ALG9: variants seen among roughly 807,000 people sequenced by gnomAD.
ALG9 encodes ALG9 alpha-1,2-mannosyltransferase, also known as alpha-1,2-mannosyltransferase ALG9.
ALG9 carries 55 observed loss-of-function variants against 81.8 expected under a neutral mutation model. The ratio of observed to expected loss-of-function variants is 0.67; its 90% confidence interval spans 0.54 to 0.84. The LOEUF is 0.84. Ranked by LOEUF, ALG9 falls within the 40% of genes least tolerant of loss-of-function variation. The pLI, the probability that ALG9 is intolerant of heterozygous loss-of-function variation, is 0.00. For missense variants in ALG9, 629 were observed against 745.0 expected (o/e 0.84, Z 1.81); for synonymous variants, 278 against 274.3 (o/e 1.01, Z -0.13).
chr11:111,829,391 C>T (rs1202996268), intron 13 of ALG9, among the ~76,000 whole-genome samples: 1 of 152,140 alleles, frequency 6.6e-6, no homozygotes, highest in Non-Finnish European at 1.5e-5. Context: ...GCATTTAAGA[C>T]TCATTTTGAA....
intron 13 of ALG9, among the ~76,000 whole-genome samples, chr11:111,816,838 G>A (rs1456720046): frequency 1.3e-5 from 2 of 152,150 alleles, no homozygotes; most frequent in African/African-American, 2.4e-5. Flanking sequence ...TGGGTTACAG[G>A]CATGAGCAAC....
At chr11:111,831,413 G>A (rs1191976552) in intron 13 of ALG9, among the ~76,000 whole-genome samples, 4 of 152,100 alleles carry the variant, frequency 2.6e-5, no homozygotes, top group Non-Finnish European at 4.4e-5. Context: ...TGGGAAGATC[G>A]ATTGAGCCCA....
At chr11:111,823,777 A>T (rs992283753) in intron 13 of ALG9, among the ~76,000 whole-genome samples, 1 of 152,230 alleles carries the variant, frequency 6.6e-6, no homozygotes, top group African/African-American at 2.4e-5. Context: ...AAATAAAGAA[A>T]GCTCCAATGG....
At position 111,853,480 on chromosome 11, in the gene ALG9, A is replaced by G. The variant is rs373679538; in HGVS notation, c.795T>C (p.Pro265=). 14 of 1,613,086 alleles carry G rather than the reference A, an allele frequency of 8.7e-6. No homozygotes were observed. The highest frequency in any genetic ancestry group is 1.1e-5 in the Non-Finnish European group (13 of 1,179,178). Residue 265 remains proline, a synonymous_variant, in exon 8 of 15, where the codon CCT becomes CCC. Coordinates refer to ENST00000616540, the MANE Select transcript of ALG9 (RefSeq NM_024740.2). ...AATAGTAGCTGTCAATGACCACCAC[A>G]GGCACCTAAAACAGAGCAGAAAATA... ...SLMALILFLV[P]VVVIDSYYYG... is the part of the protein sequence containing the mutation.
chr11:111,812,160 T>C (rs1950813228), intron 13 of ALG9, among the ~76,000 whole-genome samples: 1 of 152,218 alleles, frequency 6.6e-6, no homozygotes, highest in Non-Finnish European at 1.5e-5. Context: ...AATTGATTGA[T>C]AAATTAAATA....
chr11:111,870,102 G>GTTT (rs372396527), intron 2 of ALG9, 130 bp downstream of exon 2: 9 of 949,578 alleles, frequency 9.5e-6, no homozygotes, highest in East Asian at 3.6e-5. Context: ...CTGTTTTTTT[G>GTTT]TTTTTTTTTT....
intron 11 of ALG9, 60 bp downstream of exon 11, chr11:111,838,189 A>AAG: frequency 1.3e-6 from 2 of 1,596,740 alleles, no homozygotes; most frequent in East Asian, 4.5e-5. Context: ...TCATGAATCA[A>AAG]GTAAAACCTA....
chr11:111,843,048 C>A (rs1956463317), intron 9 of ALG9, among the ~76,000 whole-genome samples: 1 of 152,138 alleles, frequency 6.6e-6, no homozygotes, highest in Non-Finnish European at 1.5e-5. Flanking sequence ...GCCTCCCGGG[C>A]AGCTGGAACT....
chr11:111,816,845 C>G (rs1951557044), intron 13 of ALG9, among the ~76,000 whole-genome samples: 1 of 152,182 alleles, frequency 6.6e-6, no homozygotes, highest in Non-Finnish European at 1.5e-5. Flanking sequence ...CAGGCATGAG[C>G]AACCACACCC....
At chr11:111,852,767 C>T (rs1467881731) in intron 8 of ALG9, among the ~76,000 whole-genome samples, 39 of 152,000 alleles carry the variant, frequency 2.6e-4, no homozygotes. Context: ...GAAACCCCGT[C>T]TCTACTAAAA....
chr11:111,832,582 T>C (rs1287991139), intron 13 of ALG9, among the ~76,000 whole-genome samples: 1 of 152,232 alleles, frequency 6.6e-6, no homozygotes, highest in Non-Finnish European at 1.5e-5. Context: ...TTTTAATCTC[T>C]TTTTTAACTG....
chr11:111,842,572 T>C (rs1555124993), intron 9 of ALG9, among the ~76,000 whole-genome samples: 1 of 151,516 alleles, frequency 6.6e-6, no homozygotes, highest in Non-Finnish European at 1.5e-5. Context: ...CAGGTGTGCA[T>C]CGCCATGCCC....
chr11:111,796,131 C>G (rs1029772544), intron 14 of ALG9, among the ~76,000 whole-genome samples: 12 of 152,208 alleles, frequency 7.9e-5, no homozygotes, highest in African/African-American at 2.9e-4. Context: ...ATTCAATAAT[C>G]TTTATTTTAC....
In ALG9 at chr11:111,785,936, T is replaced by C. The variant is rs1946412843; in HGVS notation, c.*461A>G. ...TGAGGATTTCAATAAGAAGGTCTGC[T>C]AGGAGCTGCCAAACAGCTTTGGTGG... On this transcript the variant is annotated 3_prime_UTR_variant, in exon 15 of 15. Transcript: ENST00000616540. The C allele has an allele frequency of 2.3e-6, 1 of 431,090 alleles. No homozygotes were observed. Among genetic ancestry groups the C allele is most frequent in the Non-Finnish European group, 4.6e-6 (1 of 215,726 alleles). The allele number at this position is 431,090 out of a possible 1,614,324, so 26.7% of individuals were successfully genotyped here.
chr11:111,866,349 A>G (rs1962454285), intron 3 of ALG9, among the ~76,000 whole-genome samples: 1 of 152,120 alleles, frequency 6.6e-6, no homozygotes, highest in African/African-American at 2.4e-5. Flanking sequence ...CTGAGTGTAC[A>G]CTTCAGAGAA....
rs370751928 is a variant in ALG9, at chr11:111,838,253, G to C, written c.1320C>G (p.Phe440Leu). ...AGATATTCTTAGAAGATCTACCTCT[G>C]AACAGTGCCACAGAGCGAGAAAATG... ...LLSFSRSVALFRGYHGPLDLY... is the reference protein window; with the variant it reads ...LLSFSRSVALLRGYHGPLDLY... The change falls in exon 11 of 15, where the codon TTC becomes TTG. Residue 440 changes from phenylalanine (F) to leucine (L), a missense_variant. By Grantham distance (22) the Phe-to-Leu change is conservative. Coordinates refer to ENST00000616540, the MANE Select transcript of ALG9 (RefSeq NM_024740.2). 6 of 1,613,966 alleles carry C rather than the reference G, an allele frequency of 3.7e-6. No individual in the cohort carries two copies. Among genetic ancestry groups the C allele is most frequent in the Admixed American group, 1.7e-5 (1 of 59,994 alleles).
Position 111,809,769 on chromosome 11 carries a change from T to A in ALG9, c.1607A>T (p.Asp536Val), listed in dbSNP as rs782423071. The part of the protein sequence containing the change: ...QNLEEPSRYI[D>V]ISKCHYLVDL... ...CACTAAATAATGGCATTTACTGATATCAATCTGAAATGGAGAAAGGCCAAC... is the reference window on the plus strand; with the variant it reads ...CACTAAATAATGGCATTTACTGATAACAATCTGAAATGGAGAAAGGCCAAC... Residue 536 changes from aspartate to valine, a missense_variant, in exon 14 of 15, where the codon GAT (aspartate) becomes GTT (valine). Asp to Val is a radical substitution (Grantham distance 152). This residue lies in a region of ALG9 where 264 missense variants were observed against 302.2 expected (regional missense o/e 0.87). Coordinates refer to ENST00000616540, the MANE Select transcript of ALG9 (RefSeq NM_024740.2). 2.5e-6 allele frequency: 4 copies of A among 1,613,986 alleles called. No homozygotes were observed. The East Asian group carries it at 6.7e-5, about 27-fold the overall frequency.
rs782464267 is a variant in ALG9, at chr11:111,857,574, T to C, written c.701+28A>G. ...AAGATTTACTATATGCCCAGCGATATATGGGAGGAGAACTGTTAGTTTCTT... is the reference window on the plus strand; with the variant it reads ...AAGATTTACTATATGCCCAGCGATACATGGGAGGAGAACTGTTAGTTTCTT... On this transcript the variant is annotated intron_variant, in intron 6 of 14. Coordinates refer to ENST00000616540, the MANE Select transcript of ALG9 (RefSeq NM_024740.2). The C allele has an allele frequency of 9.3e-6, 15 of 1,613,908 alleles. No homozygotes were observed. The Admixed American group carries it at 1.0e-4, about 11-fold the overall frequency.
intron 14 of ALG9, among the ~76,000 whole-genome samples, chr11:111,809,088 A>C (rs1263250823): frequency 3.3e-5 from 5 of 152,236 alleles, no homozygotes; most frequent in Non-Finnish European, 4.4e-5. Flanking sequence ...GCCAAAAATA[A>C]TCAGTGTCAA....
Sources: gnomAD v4.1 joint callset for allele counts (sites outside exome capture counted in the v4.1 genomes callset) on GRCh38, gnomAD v4.1.1 for gene constraint, gnomAD v4.1.1 regional missense constraint, MANE v1.5 for transcripts, NCBI Gene and HGNC (gene_info 2026-07-23, HGNC 2026-07-21) for gene names.